The following FOXP2 variants were observed in gnomAD, a reference collection of about 807,000 sequenced individuals.
The protein encoded by FOXP2 is forkhead box protein P2.
FOXP2 carries 12 observed loss-of-function variants against 115.8 expected under a neutral mutation model. The observed-to-expected ratio is 0.10, with a 90% confidence interval of 0.07 to 0.17. FOXP2 has a LOEUF of 0.17. Ranked by LOEUF, FOXP2 falls within the 10% of genes least tolerant of loss-of-function variation. The pLI is 1.00. For synonymous variants in FOXP2, 328 were observed against 297.7 expected (o/e 1.10, Z -1.05); for missense variants, 629 against 843.5 (o/e 0.75, Z 3.15).
chr7:114,208,311 T>C (rs1161431790), intron 1 of FOXP2, among the ~76,000 whole-genome samples: 1 of 152,192 alleles, frequency 6.6e-6, no homozygotes, highest in African/African-American at 2.4e-5. Flanking sequence ...GCATGGGGCC[T>C]GTATCCCCTT....
chr7:114,643,093 G>C (rs1373085656), intron 7 of FOXP2, among the ~76,000 whole-genome samples: 2 of 151,800 alleles, frequency 1.3e-5, no homozygotes, highest in Non-Finnish European at 2.9e-5. Flanking sequence ...TTACAGGCGT[G>C]AGCCACCGTG....
chr7:114,502,455 C>T (rs1372025761), intron 2 of FOXP2, among the ~76,000 whole-genome samples: 1 of 152,040 alleles, frequency 6.6e-6, no homozygotes. Context: ...AACAAAGATT[C>T]TGTTGTATTG....
At chr7:114,677,703 T>C (rs999260071) in intron 16 of FOXP2, among the ~76,000 whole-genome samples, 1 of 152,216 alleles carries the variant, frequency 6.6e-6, no homozygotes, top group Non-Finnish European at 1.5e-5. Context: ...AACAAATTTG[T>C]TTATCAGTGT....
chr7:114,576,071 CTT>C (rs1801560697), intron 3 of FOXP2, among the ~76,000 whole-genome samples: 1 of 151,228 alleles, frequency 6.6e-6, no homozygotes, highest in Non-Finnish European at 1.5e-5. Context: ...AAGAAATAAA[CTT>C]AAGATAATGA....
At chr7:114,499,795 G>T (rs1343062376) in intron 2 of FOXP2, 1 of 152,112 alleles carries the variant, frequency 6.6e-6, no homozygotes, top group Admixed American at 6.5e-5. Context: ...TTGAAGGATT[G>T]CTTAATTAAT....
In FOXP2 at chr7:114,414,856, G is replaced by T. The variant is rs1793261652; in HGVS notation, c.-515G>T. ...ACCGAGGACTTGAGAGACTCAAACT[G>T]GTGCTTTTGTCTCTCTCTCTCTGTC... On this transcript the variant is annotated 5_prime_UTR_variant, in exon 1 of 17. Coordinates refer to ENST00000350908, the MANE Select transcript of FOXP2 (RefSeq NM_014491.4). The T allele has an allele frequency of 2.9e-6, 1 of 340,872 alleles. No individual in the cohort carries two copies. The highest frequency in any genetic ancestry group is 3.9e-5 in the Admixed American group (1 of 25,702). The allele number at this position is 340,872 out of a possible 1,614,324, so 21.1% of individuals were successfully genotyped here.
chr7:114,166,426 A>G (rs902010743), intron 1 of FOXP2, among the ~76,000 whole-genome samples: 2 of 152,184 alleles, frequency 1.3e-5, no homozygotes, highest in African/African-American at 2.4e-5. Context: ...ACATATGGCC[A>G]GGTGTGGTGG....
In FOXP2 at chr7:114,271,583, A is replaced by T. The variant is rs1197974321; in HGVS notation, c.-101-16436A>T. Among the ~76,000 whole-genome samples the T allele has an allele frequency of 4.0e-4, 50 of 125,624 alleles. No individual in the cohort carries two copies. The East Asian group carries it at 8.7e-3, about 22-fold the overall frequency. 82.4% of individuals were successfully genotyped at this position (125,624 alleles called of 152,430 possible). A position where few individuals can be genotyped will look rare whatever the true frequency, so the allele number is the denominator to read the frequency against. Reference sequence around the variant, plus strand: ...TAATATATAATATAATTTATATATTAATATTATTATAATATAATATTAATA... The same window carrying T: ...TAATATATAATATAATTTATATATTTATATTATTATAATATAATATTAATA... On this transcript the variant is annotated intron_variant, in intron 1 of 17. Transcript: ENST00000634411.
At chr7:114,143,187 A>T (rs985143639) in intron 1 of FOXP2, among the ~76,000 whole-genome samples, 7 of 149,434 alleles carry the variant, frequency 4.7e-5, no homozygotes, top group Non-Finnish European at 1.0e-4. Context: ...TAATAATAAT[A>T]GCCTACTTCC....
intron 2 of FOXP2, among the ~76,000 whole-genome samples, chr7:114,316,313 T>C (rs1184419608): frequency 6.6e-6 from 1 of 152,200 alleles, no homozygotes; most frequent in East Asian, 1.9e-4. Flanking sequence ...TATCAAAATA[T>C]ACATTACTCT....
chr7:114,594,282 C>T lies in FOXP2; in HGVS notation c.259-34258C>T, dbSNP rs1199012368. 5.3e-5 allele frequency among the ~76,000 whole-genome samples: 8 copies of T among 151,904 alleles called. No homozygotes were observed. The East Asian group carries it at 1.5e-3, about 29-fold the overall frequency. On this transcript the variant is annotated intron_variant, in intron 3 of 16. Coordinates refer to ENST00000350908, the MANE Select transcript of FOXP2 (RefSeq NM_014491.4). ...TCACCTATTAAATTTGCTCAATGTCCTGTGGGGCTAATGAGAGGTTCTATT... is the reference window on the plus strand; with the variant it reads ...TCACCTATTAAATTTGCTCAATGTCTTGTGGGGCTAATGAGAGGTTCTATT...
chr7:114,139,101 A>C (rs1452125411), intron 1 of FOXP2, among the ~76,000 whole-genome samples: 9 of 152,232 alleles, frequency 5.9e-5, no homozygotes, highest in Non-Finnish European at 1.5e-5. Flanking sequence ...TGAATAACAA[A>C]AATAGCTAAC....
At chr7:114,507,163 CA>C (rs1202125686) in intron 2 of FOXP2, among the ~76,000 whole-genome samples, 1 of 151,732 alleles carries the variant, frequency 6.6e-6, no homozygotes, top group African/African-American at 2.4e-5. Flanking sequence ...CTACCCCCCC[CA>C]AATAAACCAA....
In FOXP2 at chr7:114,378,684, C is replaced by CAAAAA. The variant is rs398005920; in HGVS notation, c.-10-47805_-10-47801dup. ...GTGAGACAATGTAAGACCCTGTCTC[C>CAAAAA]AAAAAAAAAAAAAAAAAGGAAAAGA... On this transcript the variant is annotated intron_variant, in intron 2 of 17. Coordinates refer to the FOXP2 transcript ENST00000634411. Among the ~76,000 whole-genome samples the CAAAAA allele has an allele frequency of 4.1e-3, 75 of 18,100 alleles. 3 individuals are homozygous for CAAAAA. The South Asian group carries it at 0.043, about 10-fold the overall frequency. 11.9% of individuals were successfully genotyped at this position (18,100 alleles called of 152,430 possible). A position where few individuals can be genotyped will look rare whatever the true frequency, so the allele number is the denominator to read the frequency against.
At chr7:114,345,514 CT>C (rs1313831789) in intron 2 of FOXP2, among the ~76,000 whole-genome samples, 1 of 151,706 alleles carries the variant, frequency 6.6e-6, no homozygotes, top group Non-Finnish European at 1.5e-5. Flanking sequence ...TTCCTTAATG[CT>C]TTTTCTTTCT....
intron 2 of FOXP2, among the ~76,000 whole-genome samples, chr7:114,521,342 A>C (rs1798612864): frequency 6.6e-6 from 1 of 151,860 alleles, no homozygotes; most frequent in Non-Finnish European, 1.5e-5. Context: ...CTTAAAAGGG[A>C]GATTAGAGTG....
At chr7:114,100,088 G>T (rs1799744396) in intron 1 of FOXP2, among the ~76,000 whole-genome samples, 1 of 152,002 alleles carries the variant, frequency 6.6e-6, no homozygotes, top group Non-Finnish European at 1.5e-5. Context: ...ACTTGTTTTT[G>T]TAATGTCTAA....
intron 2 of FOXP2, among the ~76,000 whole-genome samples, chr7:114,318,897 A>G (rs1365122305): frequency 1.3e-5 from 2 of 152,140 alleles, no homozygotes; most frequent in Non-Finnish European, 2.9e-5. Flanking sequence ...GTAAATAATT[A>G]AATATTCTAG....
chr7:114,167,557 GA>G (rs1793014527), intron 1 of FOXP2, among the ~76,000 whole-genome samples: 1 of 152,140 alleles, frequency 6.6e-6, no homozygotes, highest in East Asian at 1.9e-4. Context: ...GGGACCCAGT[GA>G]GAGATAATTG....
Sources: allele counts gnomAD v4.1 joint callset (sites outside exome capture counted in the v4.1 genomes callset), GRCh38; gene constraint gnomAD v4.1.1; transcripts MANE v1.5; gene names NCBI Gene and HGNC (gene_info 2026-07-23, HGNC 2026-07-21).